The following CNTN4 variants were observed in gnomAD, a reference collection of about 807,000 sequenced individuals.
The protein encoded by CNTN4 is contactin-4.
In CNTN4, 77 loss-of-function variants were observed where a neutral mutation model predicts 122.5. The ratio of observed to expected loss-of-function variants is 0.63; its 90% CI spans 0.52 to 0.76. The LOEUF is 0.76. Ranked by LOEUF, CNTN4 falls within the 30% of genes least tolerant of loss-of-function variation. The probability of loss-of-function intolerance (pLI) is 0.00; values close to 1 mark genes in which losing one functional copy is unlikely to be tolerated. For synonymous variants in CNTN4, 512 were observed against 447.0 expected, an observed-to-expected ratio of 1.15 and a Z score of -1.83; for missense variants, 1,256 against 1,259.1, an observed-to-expected ratio of 1.00 and a Z score of 0.04.
intron 4 of CNTN4, among the ~76,000 whole-genome samples, chr3:2,613,825 T>C (rs2081599727): frequency 6.6e-6 from 1 of 152,126 alleles, no homozygotes; most frequent in African/African-American, 2.4e-5. Flanking sequence ...TGTTTGTTTG[T>C]TTGTCTTTCT....
At chr3:2,823,583 G>C (rs1472433938) in intron 7 of CNTN4, among the ~76,000 whole-genome samples, 1 of 152,068 alleles carries the variant, frequency 6.6e-6, no homozygotes, top group Non-Finnish European at 1.5e-5. Context: ...GGCTATCCTT[G>C]GTGCTCCTTC....
At chr3:2,874,668 A>G (rs1356998688) in intron 8 of CNTN4, among the ~76,000 whole-genome samples, 1 of 152,184 alleles carries the variant, frequency 6.6e-6, no homozygotes, top group Non-Finnish European at 1.5e-5. Flanking sequence ...GGTAAGAACT[A>G]CCTTGGAGCA....
At chr3:2,774,408 A>G (rs1187588882) in intron 6 of CNTN4, among the ~76,000 whole-genome samples, 4 of 151,812 alleles carry the variant, frequency 2.6e-5, no homozygotes, top group African/African-American at 4.8e-5. Context: ...CGTCACTTTT[A>G]TGTTATGGTA....
chr3:2,832,283 A>G (rs1473918469), intron 7 of CNTN4, among the ~76,000 whole-genome samples: 1 of 152,242 alleles, frequency 6.6e-6, no homozygotes, highest in East Asian at 1.9e-4. Flanking sequence ...TTCAGATACC[A>G]GGCCTTGTCA....
At chr3:2,420,538 C>A (rs2047576847) in intron 3 of CNTN4, among the ~76,000 whole-genome samples, 1 of 151,946 alleles carries the variant, frequency 6.6e-6, no homozygotes, top group South Asian at 2.1e-4. Context: ...CAGGTTCAAG[C>A]AATTCTTGGG....
rs767479884 is a variant in CNTN4, at chr3:3,037,254, G to T, written c.2018G>T (p.Arg673Leu). ...GLNPWVEYEF[R>L]TVAANVIGIG... The stretch of plus-strand genomic sequence containing the variant: ...AACCCTTGGGTTGAATATGAATTCC[G>T]CACAGTTGCAGCCAACGTGATTGGG... Residue 673 changes from arginine to leucine, a missense_variant, in exon 18 of 25, where the codon CGC becomes CTC. Transcript: ENST00000418658. The T allele has an allele frequency of 1.2e-6, 2 of 1,614,076 alleles. No individual in the cohort carries two copies. Among genetic ancestry groups the T allele is most frequent in the Admixed American group, 1.7e-5 (1 of 60,006 alleles).
intron 6 of CNTN4, among the ~76,000 whole-genome samples, chr3:2,791,329 C>G (rs1027543412): frequency 6.6e-6 from 1 of 151,942 alleles, no homozygotes; most frequent in Non-Finnish European, 1.5e-5. Flanking sequence ...CCCAGGAGTT[C>G]GAGACTAACC....
chr3:2,212,663 A>G (rs2038673920), intron 2 of CNTN4, among the ~76,000 whole-genome samples: 1 of 152,198 alleles, frequency 6.6e-6, no homozygotes. Context: ...ACACAGCCAA[A>G]CCGTATCAGC....
chr3:2,819,843 C>G (rs538126153), intron 7 of CNTN4, among the ~76,000 whole-genome samples: 3 of 151,972 alleles, frequency 2.0e-5, no homozygotes, highest in Non-Finnish European at 4.4e-5. Flanking sequence ...AATGCTGTTG[C>G]TTGGTAAAGC....
At chr3:2,640,795 G>C (rs1053863578) in intron 4 of CNTN4, among the ~76,000 whole-genome samples, 3 of 152,180 alleles carry the variant, frequency 2.0e-5, no homozygotes, top group African/African-American at 7.2e-5. Context: ...CTTTGTAGCT[G>C]ATTGACTTTG....
At chr3:2,178,360 A>G (rs12233420) in intron 2 of CNTN4, among the ~76,000 whole-genome samples, 5,444 of 152,166 alleles carry the variant, frequency 0.036, 428 homozygotes, top group East Asian at 0.36. Flanking sequence ...AGAATATGGA[A>G]TAGGAAGAGT....
At chr3:2,253,186 G>A (rs961045590) in intron 2 of CNTN4, among the ~76,000 whole-genome samples, 7 of 151,824 alleles carry the variant, frequency 4.6e-5, no homozygotes, top group African/African-American at 1.7e-4. Flanking sequence ...ACTTTGTGCC[G>A]TGTAGTTATT....
intron 3 of CNTN4, among the ~76,000 whole-genome samples, chr3:2,408,219 G>A (rs1355043328): frequency 1.3e-5 from 2 of 152,062 alleles, no homozygotes. Context: ...CATATCCCTG[G>A]AGACCAATTA....
At chr3:2,971,040 G>T (rs1692863133) in intron 13 of CNTN4, among the ~76,000 whole-genome samples, 1 of 152,142 alleles carries the variant, frequency 6.6e-6, no homozygotes, top group Non-Finnish European at 1.5e-5. Context: ...GCCCATCTCG[G>T]CCTCCCAAAG....
rs188786042 is a variant in CNTN4 at position 2,208,004 on chromosome 3, A to G, written c.-145+107365A>G. On this transcript the variant is annotated intron_variant, in intron 2 of 24. Transcript: ENST00000418658. ...TGGTCACCTAAGAGCTCTGATGGAG[A>G]TAGACAAGATTGATATTATCTCCTT... 1.7e-3 allele frequency among the ~76,000 whole-genome samples: 259 copies of G among 152,250 alleles called. 1 individual carries two copies. The highest frequency in any genetic ancestry group is 6.0e-3 in the African/African-American group (249 of 41,574).
At chr3:2,865,351 C>T (rs2093712964) in intron 7 of CNTN4, among the ~76,000 whole-genome samples, 1 of 152,116 alleles carries the variant, frequency 6.6e-6, no homozygotes, top group Admixed American at 6.5e-5. Flanking sequence ...TTGTTAAGGT[C>T]AAGTACAATT....
intron 2 of CNTN4, among the ~76,000 whole-genome samples, chr3:2,279,867 G>A (rs928598012): frequency 8.6e-5 from 13 of 151,118 alleles, no homozygotes; most frequent in Non-Finnish European, 1.3e-4. Context: ...TCTAGCTCTA[G>A]ATATAGCTAA....
intron 6 of CNTN4, among the ~76,000 whole-genome samples, chr3:2,788,407 TA>T (rs1444335827): frequency 1.3e-5 from 2 of 152,242 alleles, no homozygotes; most frequent in Non-Finnish European, 2.9e-5. Context: ...ACTATCATGA[TA>T]AAATAGAATT....
At chr3:2,161,065 A>G (rs527621305) in intron 2 of CNTN4, among the ~76,000 whole-genome samples, 1 of 152,230 alleles carries the variant, frequency 6.6e-6, no homozygotes, top group Non-Finnish European at 1.5e-5. Flanking sequence ...TCAAAGATGG[A>G]GGCTTCTCGG....
Sources: gnomAD v4.1 joint callset for allele counts (sites outside exome capture counted in the v4.1 genomes callset) on GRCh38, gnomAD v4.1.1 for gene constraint, MANE v1.5 for transcripts, NCBI Gene and HGNC (gene_info 2026-07-23, HGNC 2026-07-21) for gene names.